RERE: variants seen among roughly 807,000 people sequenced by gnomAD.
The protein encoded by RERE is arginine-glutamic acid dipeptide repeats.
RERE carries 40 observed loss-of-function variants against 146.1 expected under a neutral mutation model. The observed-to-expected ratio is 0.27, with a 90% CI of 0.21 to 0.36. RERE has a LOEUF of 0.36. Ranked by LOEUF, RERE falls within the 10% of genes least tolerant of loss-of-function variation. The probability of loss-of-function intolerance (pLI) is 1.00; values close to 1 mark genes in which losing one functional copy is unlikely to be tolerated. For missense variants in RERE, 1,933 were observed against 2,138.7 expected (o/e 0.90, Z 1.90); for synonymous variants, 1,003 against 866.0 (o/e 1.16, Z -2.78).
intron 6 of RERE, among the ~76,000 whole-genome samples, chr1:8,552,888 A>G (rs1254014129): frequency 6.6e-6 from 1 of 151,900 alleles, no homozygotes; most frequent in Non-Finnish European, 1.5e-5. Flanking sequence ...ACGTCCACAC[A>G]CACACAAAAC....
chr1:8,381,526 T>G (rs188447661), intron 12 of RERE, among the ~76,000 whole-genome samples: 1 of 152,312 alleles, frequency 6.6e-6, no homozygotes, highest in African/African-American at 2.4e-5. Context: ...CATTTCAAAA[T>G]TGAGCTAAAC....
chr1:8,471,177 A>G (rs989942435), intron 10 of RERE, among the ~76,000 whole-genome samples: 1 of 152,164 alleles, frequency 6.6e-6, no homozygotes, highest in African/African-American at 2.4e-5. Context: ...ACAGCTTCAT[A>G]ATAGGGAAAC....
chr1:8,426,961 C>T (rs907027270), intron 11 of RERE, among the ~76,000 whole-genome samples: 4 of 152,224 alleles, frequency 2.6e-5, no homozygotes, highest in African/African-American at 9.7e-5. Context: ...TTACATCTTA[C>T]ACCTAGTGCC....
At chr1:8,710,261 T>C (rs937987099) in intron 1 of RERE, among the ~76,000 whole-genome samples, 1 of 152,190 alleles carries the variant, frequency 6.6e-6, no homozygotes, top group Admixed American at 6.5e-5. Flanking sequence ...CCCTAAGTCC[T>C]GGGGGGACTG....
At position 8,366,031 on chromosome 1, in the gene RERE, G is replaced by A. The variant is rs571275963; in HGVS notation, c.1285-57C>T. ...GGCCTGGGGCTTTTCCGTGCCCCAC[G>A]CACCCTCTCTGCCACAGTGGAAAGC... On this transcript the variant is annotated intron_variant, in intron 12 of 22. Transcript: ENST00000400908. 6.6e-4 allele frequency: 1,025 copies of A among 1,545,088 alleles called. 5 individuals are homozygous for A. The African/African-American group carries it at 8.6e-3, about 13-fold the overall frequency.
chr1:8,505,724 T>A (rs1324352754), intron 8 of RERE, among the ~76,000 whole-genome samples: 1 of 152,062 alleles, frequency 6.6e-6, no homozygotes, highest in Non-Finnish European at 1.5e-5. Flanking sequence ...AGAGATGGGG[T>A]TTTGCCATGT....
intron 12 of RERE, among the ~76,000 whole-genome samples, chr1:8,395,386 A>G (rs1643020761): frequency 6.6e-6 from 1 of 151,928 alleles, no homozygotes. Context: ...GAGGCAGGAG[A>G]ATAGCTTGAA....
chr1:8,724,425 T>A (rs1490290290), intron 1 of RERE, among the ~76,000 whole-genome samples: 6 of 152,202 alleles, frequency 3.9e-5, no homozygotes, highest in African/African-American at 1.4e-4. Flanking sequence ...GTTCTGTCAC[T>A]TGCCAGAATA....
At chr1:8,729,445 G>C (rs866599658) in intron 1 of RERE, among the ~76,000 whole-genome samples, 5 of 151,576 alleles carry the variant, frequency 3.3e-5, no homozygotes, top group Admixed American at 1.3e-4. Flanking sequence ...GGCTGGTTTC[G>C]AACTCTTGAC....
chr1:8,798,864 G>A (rs146197586), intron 1 of RERE, among the ~76,000 whole-genome samples: 4,460 of 151,384 alleles, frequency 0.029, 81 homozygotes, highest in Middle Eastern at 0.079. Context: ...GCTAATTTTT[G>A]TATTTTTAGT....
At chr1:8,424,028 G>C (rs534831872) in intron 11 of RERE, 1 of 152,282 alleles carries the variant, frequency 6.6e-6, no homozygotes, top group African/African-American at 2.4e-5. Flanking sequence ...AGCAAGCGTG[G>C]GGAGAGGGCG....
chr1:8,623,098 T>C (rs1646935778), intron 3 of RERE, among the ~76,000 whole-genome samples: 3 of 152,152 alleles, frequency 2.0e-5, no homozygotes, highest in African/African-American at 4.8e-5. Flanking sequence ...GATTCCCAAA[T>C]GATACTACTT....
chr1:8,786,195 C>T (rs2124566777), intron 1 of RERE: 1 of 723,522 alleles, frequency 1.4e-6, no homozygotes, highest in South Asian at 1.4e-5. Flanking sequence ...GTGGTAAACA[C>T]CTCGGTTCAT....
intron 11 of RERE, among the ~76,000 whole-genome samples, chr1:8,451,834 C>T (rs1335142541): frequency 2.6e-5 from 4 of 152,178 alleles, no homozygotes; most frequent in Non-Finnish European, 2.9e-5. Flanking sequence ...GTTTACAAGA[C>T]GTCCTCAGCC....
intron 10 of RERE, among the ~76,000 whole-genome samples, chr1:8,477,310 G>C (rs1196898788): frequency 6.6e-6 from 1 of 152,302 alleles, no homozygotes; most frequent in African/African-American, 2.4e-5. Context: ...GACCCACAAT[G>C]AGTCTAACTC....
chr1:8,494,453 G>A (rs551394167), intron 10 of RERE, among the ~76,000 whole-genome samples: 10 of 152,260 alleles, frequency 6.6e-5, no homozygotes, highest in African/African-American at 1.7e-4. Context: ...GAGGCCGGGC[G>A]TGGTGGCTCA....
chr1:8,571,563 C>T (rs1646221092), intron 4 of RERE, among the ~76,000 whole-genome samples: 1 of 152,208 alleles, frequency 6.6e-6, no homozygotes, highest in Admixed American at 6.5e-5. Flanking sequence ...AGCAGGAACA[C>T]TAAAAAATTA....
intron 4 of RERE, among the ~76,000 whole-genome samples, chr1:8,599,830 T>C (rs1646600244): frequency 6.6e-6 from 1 of 152,200 alleles, no homozygotes; most frequent in Admixed American, 6.5e-5. Context: ...CACAGAGCCT[T>C]TTCTGCCATG....
At chr1:8,477,188 A>C (rs1178490028) in intron 10 of RERE, among the ~76,000 whole-genome samples, 1 of 152,190 alleles carries the variant, frequency 6.6e-6, no homozygotes, top group Non-Finnish European at 1.5e-5. Flanking sequence ...TATAAATGCG[A>C]GATCAGCCAC....
Sources: allele counts gnomAD v4.1 joint callset (sites outside exome capture counted in the v4.1 genomes callset), GRCh38; gene constraint gnomAD v4.1.1; transcripts MANE v1.5; gene names NCBI Gene and HGNC (gene_info 2026-07-23, HGNC 2026-07-21).